The following CACNA2D1 variants were observed in gnomAD, a reference collection of about 807,000 sequenced individuals.
CACNA2D1 encodes calcium voltage-gated channel auxiliary subunit alpha2delta 1, also known as voltage-dependent calcium channel subunit alpha-2/delta-1.
Under a neutral mutation model 171.5 loss-of-function variants are expected in CACNA2D1, and 53 were observed. The ratio of observed to expected loss-of-function variants is 0.31; its 90% CI spans 0.25 to 0.39. The LOEUF is 0.39. Ranked by LOEUF, CACNA2D1 falls within the 10% of genes least tolerant of loss-of-function variation. The pLI is 1.00. For missense variants in CACNA2D1, 903 were observed against 1,299.8 expected, an observed-to-expected ratio of 0.69 and a Z score of 4.69; for synonymous variants, 442 against 443.1, an observed-to-expected ratio of 1.00 and a Z score of 0.03.
intron 1 of CACNA2D1, among the ~76,000 whole-genome samples, chr7:82,431,493 CCTCT>C (rs150823729): frequency 1.3e-5 from 2 of 152,040 alleles, no homozygotes; most frequent in Non-Finnish European, 2.9e-5. Context: ...TTACATGACT[CCTCT>C]CTCTCAATCT....
chr7:82,306,394 C>T (rs1813739664), intron 3 of CACNA2D1, among the ~76,000 whole-genome samples: 1 of 152,166 alleles, frequency 6.6e-6, no homozygotes. Context: ...GGGGATTTTG[C>T]TGTCTCAAGA....
intron 2 of CACNA2D1, among the ~76,000 whole-genome samples, chr7:82,344,377 T>C (rs1819013571): frequency 2.6e-5 from 4 of 152,180 alleles, no homozygotes; most frequent in Admixed American, 2.6e-4. Flanking sequence ...TAAATATATG[T>C]TTAGAGTAAC....
chr7:82,158,196 TTATAA>T (rs139328486), intron 4 of CACNA2D1, among the ~76,000 whole-genome samples: 1,696 of 152,042 alleles, frequency 0.011, 30 homozygotes, highest in African/African-American at 0.038. Flanking sequence ...TATATAATGT[TTATAA>T]TATATGTTTC....
chr7:81,975,388 C>A (rs1226241692), intron 24 of CACNA2D1, among the ~76,000 whole-genome samples: 1 of 152,032 alleles, frequency 6.6e-6, no homozygotes, highest in African/African-American at 2.4e-5. Flanking sequence ...TGCAAATTAT[C>A]TTTAATTCCT....
intron 6 of CACNA2D1, among the ~76,000 whole-genome samples, chr7:82,091,723 C>G (rs1176115794): frequency 6.6e-6 from 1 of 152,146 alleles, no homozygotes; most frequent in African/African-American, 2.4e-5. Context: ...GCCCCAAGGT[C>G]AAATTATTGT....
At chr7:82,108,258 G>C (rs374672693) in intron 6 of CACNA2D1, among the ~76,000 whole-genome samples, 1 of 152,096 alleles carries the variant, frequency 6.6e-6, no homozygotes, top group African/African-American at 2.4e-5. Context: ...ATTCCTAGCA[G>C]AATTTCTTTG....
chr7:81,956,201 T>C (rs915192943), intron 38 of CACNA2D1, among the ~76,000 whole-genome samples: 9 of 151,650 alleles, frequency 5.9e-5, no homozygotes, highest in African/African-American at 2.2e-4. Context: ...CTCGAACTCC[T>C]GACCTCAGGT....
chr7:82,303,076 C>A (rs1184589910), intron 3 of CACNA2D1, among the ~76,000 whole-genome samples: 1 of 152,114 alleles, frequency 6.6e-6, no homozygotes, highest in East Asian at 1.9e-4. Flanking sequence ...TCACTGCAAG[C>A]TCCGCCTCCT....
intron 6 of CACNA2D1, among the ~76,000 whole-genome samples, chr7:82,099,933 CAG>C (rs1373955758): frequency 2.0e-5 from 3 of 152,114 alleles, no homozygotes; most frequent in Admixed American, 6.5e-5. Context: ...TGAGGCCTGT[CAG>C]GGGGTAGGAG....
intron 3 of CACNA2D1, among the ~76,000 whole-genome samples, chr7:82,321,537 T>G (rs954945940): frequency 1.3e-5 from 2 of 152,186 alleles, no homozygotes; most frequent in African/African-American, 4.8e-5. Flanking sequence ...ATAACATATC[T>G]TCCTCATAAG....
chr7:82,064,444 G>A, intron 8 of CACNA2D1, 90 bp from the exon 9 acceptor site: 2 of 973,432 alleles, frequency 2.1e-6, no homozygotes, highest in Admixed American at 3.7e-5. Context: ...TCTGAGACAA[G>A]GTTTTTTTCC....
intron 22 of CACNA2D1, 37 bp downstream of exon 22, chr7:81,984,598 A>G: frequency 8.7e-7 from 1 of 1,153,666 alleles, no homozygotes; most frequent in Non-Finnish European, 1.3e-6. Context: ...ACTAGGAGAT[A>G]ACAAATGGAC....
Position 81,959,322 on chromosome 7 carries a change from G to A in CACNA2D1, c.3112C>T (p.Pro1038Ser). ...GPNPCDMVKQ[P>S]RYRKGPDVCF... ...ACATCAGGCCCTTTTCGGTATCTGG[G>A]TTGCTTAACCATGTCACAAGGATTT... Residue 1038 changes from proline (P) to serine (S), a missense_variant, in exon 38 of 39, where the codon CCC becomes TCC. By Grantham distance (74) the Pro-to-Ser change is moderately conservative (BLOSUM62 -1). Around this residue, in one of 5 missense-constraint regions of CACNA2D1, gnomAD observed 623 missense variants for 925.5 expected, o/e 0.67. Coordinates refer to ENST00000356860, the MANE Select transcript of CACNA2D1 (RefSeq NM_000722.4). 2 of 1,611,560 alleles carry A rather than the reference G, an allele frequency of 1.2e-6. No homozygotes were observed. Among genetic ancestry groups the A allele is most frequent in the Non-Finnish European group, 1.7e-6 (2 of 1,177,944 alleles).
intron 1 of CACNA2D1, among the ~76,000 whole-genome samples, chr7:82,400,109 G>T (rs1826202103): frequency 6.6e-6 from 1 of 150,660 alleles, no homozygotes; most frequent in Non-Finnish European, 1.5e-5. Context: ...CTGTAGCCTT[G>T]TAGTATAGTT....
chr7:82,116,107 A>G (rs1328157312), intron 6 of CACNA2D1, among the ~76,000 whole-genome samples: 3 of 152,170 alleles, frequency 2.0e-5, no homozygotes, highest in Non-Finnish European at 4.4e-5. Flanking sequence ...TACAAGAAAC[A>G]CGTTCTTTAC....
intron 1 of CACNA2D1, among the ~76,000 whole-genome samples, chr7:82,354,909 A>G (rs1461187792): frequency 5.9e-5 from 9 of 152,174 alleles, no homozygotes; most frequent in Admixed American, 5.9e-4. Flanking sequence ...AACAAGGACT[A>G]CTAAAATATT....
At chr7:82,386,593 C>A (rs914834455) in intron 1 of CACNA2D1, among the ~76,000 whole-genome samples, 3 of 151,820 alleles carry the variant, frequency 2.0e-5, no homozygotes, top group Non-Finnish European at 4.4e-5. Context: ...ATTAGCCAGG[C>A]GTGATGGCGC....
chr7:82,443,240 G>C (rs946671690), intron 1 of CACNA2D1, 125 bp downstream of exon 1: 7 of 897,682 alleles, frequency 7.8e-6, no homozygotes, highest in Non-Finnish European at 1.1e-5. Flanking sequence ...ATCCGAGCCT[G>C]GCTCCCCGGC....
chr7:81,970,506 T>C, intron 27 of CACNA2D1, among the ~76,000 whole-genome samples, 169 bp downstream of exon 27: 1 of 151,592 alleles, frequency 6.6e-6, no homozygotes, highest in East Asian at 1.9e-4. Context: ...AATGTCATTT[T>C]TCAGAGAAAT....
Sources: gnomAD v4.1 joint callset for allele counts (sites outside exome capture counted in the v4.1 genomes callset) on GRCh38, gnomAD v4.1.1 for gene constraint, gnomAD v4.1.1 regional missense constraint, MANE v1.5 for transcripts, NCBI Gene and HGNC (gene_info 2026-07-23, HGNC 2026-07-21) for gene names.